Variants in SOX6 observed in about 807,000 individuals in gnomAD.
SOX6 encodes the protein transcription factor SOX-6.
A neutral mutation model predicts 97.8 loss-of-function variants in SOX6; 11 were observed. The ratio of observed to expected loss-of-function variants is 0.11; its 90% CI spans 0.07 to 0.19. The LOEUF (loss-of-function observed/expected upper bound fraction) is 0.19. Among genes scored for constraint, SOX6 ranks in the 10% least tolerant of loss-of-function variants. SOX6 has a pLI of 1.00. For missense variants in SOX6, 810 were observed against 1,039.5 expected, an observed-to-expected ratio of 0.78 and a Z score of 3.04; for synonymous variants, 360 against 371.4, an observed-to-expected ratio of 0.97 and a Z score of 0.35.
intron 1 of SOX6, among the ~76,000 whole-genome samples, chr11:16,449,037 A>G (rs966261899): frequency 6.6e-6 from 1 of 152,112 alleles, no homozygotes; most frequent in Non-Finnish European, 1.5e-5. Flanking sequence ...CTGTCTCTAC[A>G]TGATGATGAT....
At chr11:16,063,487 A>T (rs537760578) in intron 9 of SOX6, among the ~76,000 whole-genome samples, 1 of 117,280 alleles carries the variant, frequency 8.5e-6, no homozygotes, top group African/African-American at 3.1e-5. Flanking sequence ...AACTATATTT[A>T]CCATAATTTT....
At chr11:16,437,282 TA>T (rs201915779) in intron 1 of SOX6, among the ~76,000 whole-genome samples, 1,633 of 136,684 alleles carry the variant, frequency 0.012, 7 homozygotes, top group Non-Finnish European at 0.015. Flanking sequence ...TTTTTTTTTT[TA>T]AAAAAAAGGT....
chr11:16,207,179 AACTGTTAGT>A (rs1852094539), intron 4 of SOX6, among the ~76,000 whole-genome samples: 3 of 152,162 alleles, frequency 2.0e-5, no homozygotes, highest in Non-Finnish European at 4.4e-5. Flanking sequence ...CCATCTTTCC[AACTGTTAGT>A]ACTATTTTAA....
At chr11:16,491,471 T>C (rs998848755) in intron 4 of SOX6, among the ~76,000 whole-genome samples, 5 of 152,066 alleles carry the variant, frequency 3.3e-5, no homozygotes, top group Admixed American at 3.3e-4. Context: ...GGAGATTCAG[T>C]GCAATTCCAA....
At chr11:16,494,808 T>G (rs1860568334) in intron 4 of SOX6, among the ~76,000 whole-genome samples, 1 of 152,162 alleles carries the variant, frequency 6.6e-6, no homozygotes, top group Non-Finnish European at 1.5e-5. Context: ...AGTGAACTCC[T>G]GCACTCCTAA....
At chr11:16,521,677 C>T (rs1861066190) in intron 4 of SOX6, among the ~76,000 whole-genome samples, 3 of 152,176 alleles carry the variant, frequency 2.0e-5, no homozygotes, top group Admixed American at 6.6e-5. Flanking sequence ...GATCAAACTA[C>T]TCCGAGCTAC....
intron 13 of SOX6, among the ~76,000 whole-genome samples, chr11:16,008,371 T>G (rs573848137): frequency 6.6e-6 from 1 of 152,226 alleles, no homozygotes; most frequent in South Asian, 2.1e-4. Context: ...GTAAAGAACA[T>G]TCAGTCAGAA....
intron 3 of SOX6, among the ~76,000 whole-genome samples, chr11:16,672,292 A>G (rs566535846): frequency 2.6e-5 from 4 of 152,332 alleles, no homozygotes; most frequent in South Asian, 2.1e-4. Flanking sequence ...AAACCCACAC[A>G]TATCAATACT....
At chr11:16,483,938 T>C (rs1379051277) in intron 4 of SOX6, 1 of 863,656 alleles carries the variant, frequency 1.2e-6, no homozygotes, top group Admixed American at 1.7e-5. Context: ...GGGAGCCAGA[T>C]CAGGACCTGG....
intron 2 of SOX6, among the ~76,000 whole-genome samples, chr11:16,321,168 T>A (rs979738704): frequency 3.3e-5 from 5 of 151,892 alleles, no homozygotes; most frequent in African/African-American, 4.8e-5. Context: ...GTATTAGACA[T>A]CTGACCAAGG....
intron 6 of SOX6, among the ~76,000 whole-genome samples, chr11:16,119,017 G>A (rs1453353951): frequency 6.6e-6 from 1 of 152,126 alleles, no homozygotes; most frequent in South Asian, 2.1e-4. Flanking sequence ...AGAGAGAGAA[G>A]GTGGGAGAGA....
intron 3 of SOX6, among the ~76,000 whole-genome samples, chr11:16,282,251 C>T (rs1854587755): frequency 6.6e-6 from 1 of 150,492 alleles, no homozygotes; most frequent in Non-Finnish European, 1.5e-5. Flanking sequence ...AATTCTTATA[C>T]TAAATATTAT....
At chr11:16,615,060 C>G (rs552345806) in intron 3 of SOX6, among the ~76,000 whole-genome samples, 1 of 152,308 alleles carries the variant, frequency 6.6e-6, no homozygotes, top group East Asian at 1.9e-4. Context: ...GGACCCCACT[C>G]CCTGTTTCAT....
chr11:16,547,506 C>G (rs551399798), intron 4 of SOX6, among the ~76,000 whole-genome samples: 2 of 152,070 alleles, frequency 1.3e-5, no homozygotes, highest in East Asian at 1.9e-4. Context: ...ATGGATAGAA[C>G]TTGAGGTCAT....
At chr11:16,019,324 A>T (rs1450657802) in intron 12 of SOX6, among the ~76,000 whole-genome samples, 1 of 152,078 alleles carries the variant, frequency 6.6e-6, no homozygotes, top group South Asian at 2.1e-4. Context: ...TTTCATTCCA[A>T]TGGTCTGAAT....
chr11:16,400,128 T>C (rs972426841), intron 1 of SOX6, among the ~76,000 whole-genome samples: 10 of 151,536 alleles, frequency 6.6e-5, no homozygotes, highest in African/African-American at 2.4e-4. Context: ...CACTGGCGAA[T>C]ATGAGGAACA....
At chr11:15,996,349 C>G (rs769085995) in intron 13 of SOX6, among the ~76,000 whole-genome samples, 1 of 152,078 alleles carries the variant, frequency 6.6e-6, no homozygotes, top group Non-Finnish European at 1.5e-5. Flanking sequence ...TACAAAGAGG[C>G]CAGGCAAGGT....
chr11:16,053,519 G>T (rs1475882943), intron 10 of SOX6, among the ~76,000 whole-genome samples: 3 of 151,930 alleles, frequency 2.0e-5, no homozygotes, highest in Admixed American at 6.6e-5. Flanking sequence ...AATACTAGAG[G>T]GTGTATTTAA....
intron 6 of SOX6, among the ~76,000 whole-genome samples, chr11:16,119,271 T>A (rs1478280226): frequency 3.3e-5 from 5 of 152,184 alleles, no homozygotes; most frequent in Non-Finnish European, 7.3e-5. Flanking sequence ...TTATAGTTAA[T>A]TCTGGAGGTT....
Sources: gnomAD v4.1 joint callset for allele counts (sites outside exome capture counted in the v4.1 genomes callset) on GRCh38, gnomAD v4.1.1 for gene constraint, MANE v1.5 for transcripts, NCBI Gene and HGNC (gene_info 2026-07-23, HGNC 2026-07-21) for gene names.